The following SH3BGRL2 variants were observed in gnomAD, a reference collection of about 807,000 sequenced individuals.
SH3BGRL2 encodes SH3 domain-binding glutamic acid-rich-like protein 2.
A neutral mutation model predicts 14.8 loss-of-function variants in SH3BGRL2; 21 were observed. The observed-to-expected ratio is 1.42, with a 90% confidence interval of 1.01 to 2.05. The LOEUF (loss-of-function observed/expected upper bound fraction) is 2.05, where lower values mean the gene tolerates loss of function less well. Ranked by LOEUF, SH3BGRL2 falls within the 30% of genes most tolerant of loss-of-function variation. The pLI is 0.00. For synonymous variants in SH3BGRL2, 50 were observed against 47.8 expected (o/e 1.05, Z -0.19); for missense variants, 147 against 130.8 (o/e 1.12, Z -0.61).
the SH3BGRL2 span, among the ~76,000 whole-genome samples, chr6:79,579,098 A>G: frequency 3.9e-4 from 59 of 152,330 alleles, no homozygotes; most frequent in African/African-American, 1.4e-3. Context: ...AGACAAGGTT[A>G]GAGAAAAAAG....
chr6:79,541,058 G>T, the SH3BGRL2 span, among the ~76,000 whole-genome samples: 1 of 152,092 alleles, frequency 6.6e-6, no homozygotes, highest in Non-Finnish European at 1.5e-5. Context: ...TTTGAGACCA[G>T]TCTGGCCAAC....
At chr6:79,638,955 G>A (rs1768979771) in intron 1 of SH3BGRL2, among the ~76,000 whole-genome samples, 1 of 152,044 alleles carries the variant, frequency 6.6e-6, no homozygotes, top group South Asian at 2.1e-4. Context: ...TGAAAAACAA[G>A]GTGGTTTGCA....
the SH3BGRL2 span, among the ~76,000 whole-genome samples, chr6:79,557,899 C>A: frequency 1.3e-5 from 2 of 152,272 alleles, no homozygotes; most frequent in African/African-American, 4.8e-5. Context: ...CTGGAATGGA[C>A]AGACTATGAG....
At chr6:79,549,678 T>C in the SH3BGRL2 span, among the ~76,000 whole-genome samples, 2 of 152,106 alleles carry the variant, frequency 1.3e-5, no homozygotes, top group Admixed American at 1.3e-4. Flanking sequence ...CTTTTTAAAA[T>C]AACAAAAATC....
At chr6:79,618,203 G>C in the SH3BGRL2 span, among the ~76,000 whole-genome samples, 2 of 152,228 alleles carry the variant, frequency 1.3e-5, no homozygotes, top group African/African-American at 2.4e-5. Flanking sequence ...AGAATAAGGA[G>C]TTGCTGCAAC....
chr6:79,551,511 T>C, the SH3BGRL2 span, among the ~76,000 whole-genome samples: 3 of 152,138 alleles, frequency 2.0e-5, no homozygotes, highest in Non-Finnish European at 4.4e-5. Context: ...AGACTATTTC[T>C]TATAAAGAGT....
the SH3BGRL2 span, among the ~76,000 whole-genome samples, chr6:79,585,260 T>C: frequency 1.3e-5 from 2 of 152,136 alleles, no homozygotes; most frequent in African/African-American, 2.4e-5. Flanking sequence ...TTCTTTCTTC[T>C]CCTTCCATTT....
At chr6:79,617,276 T>C in the SH3BGRL2 span, among the ~76,000 whole-genome samples, 1 of 152,202 alleles carries the variant, frequency 6.6e-6, no homozygotes, top group Admixed American at 6.5e-5. Flanking sequence ...TATTTGATTA[T>C]TCTGCATTTA....
chr6:79,645,316 A>G (rs1769119135), intron 1 of SH3BGRL2, among the ~76,000 whole-genome samples: 1 of 151,528 alleles, frequency 6.6e-6, no homozygotes, highest in Non-Finnish European at 1.5e-5. Context: ...AATTCTTTTG[A>G]GCAAATATTT....
the SH3BGRL2 span, among the ~76,000 whole-genome samples, chr6:79,563,365 G>A: frequency 2.0e-5 from 3 of 152,060 alleles, no homozygotes; most frequent in Middle Eastern, 3.4e-3. Context: ...CCCCGCCTCG[G>A]CCTCCTGAAG....
the SH3BGRL2 span, among the ~76,000 whole-genome samples, chr6:79,550,050 T>C: frequency 2.0e-5 from 3 of 152,296 alleles, no homozygotes; most frequent in East Asian, 1.9e-4. Flanking sequence ...GTAAGAATTA[T>C]GGACCAAAAA....
rs1448720846 is a variant in SH3BGRL2, at chr6:79,687,382, G to A, written c.232-9103G>A. On this transcript the variant is annotated intron_variant, in intron 2 of 3. Transcript: ENST00000369838. ...TTAAATTGGCTCTTGGGTAAGAGGG[G>A]AGGTAGATGTATTTGCTTGCTTTGT... Among the ~76,000 whole-genome samples, 9 of 152,298 alleles carry A rather than the reference G, an allele frequency of 5.9e-5. No individual in the cohort carries two copies. In the East Asian group the frequency reaches 1.7e-3, roughly 29 times the overall value.
chr6:79,648,125 A>C (rs1282246296), intron 1 of SH3BGRL2, among the ~76,000 whole-genome samples: 1 of 151,070 alleles, frequency 6.6e-6, no homozygotes, highest in Non-Finnish European at 1.5e-5. Flanking sequence ...TGTTAGGTTC[A>C]GAAACCTAGA....
chr6:79,562,122 T>C, the SH3BGRL2 span, among the ~76,000 whole-genome samples: 1 of 152,196 alleles, frequency 6.6e-6, no homozygotes, highest in Non-Finnish European at 1.5e-5. Context: ...AGAGTAAGTT[T>C]ACTAGAGTTT....
chr6:79,679,774 T>C (rs1280395582), intron 2 of SH3BGRL2, among the ~76,000 whole-genome samples: 1 of 152,180 alleles, frequency 6.6e-6, no homozygotes, highest in African/African-American at 2.4e-5. Context: ...TGGTATCTAC[T>C]CTAATGAGTG....
chr6:79,584,075 T>C, the SH3BGRL2 span, among the ~76,000 whole-genome samples: 1 of 152,210 alleles, frequency 6.6e-6, no homozygotes, highest in Admixed American at 6.5e-5. Flanking sequence ...ATGAAAATAG[T>C]CTTGGTTCAA....
chr6:79,636,489 G>C (rs1768925045), intron 1 of SH3BGRL2, among the ~76,000 whole-genome samples: 1 of 152,132 alleles, frequency 6.6e-6, no homozygotes, highest in African/African-American at 2.4e-5. Context: ...GAGTAAGTTG[G>C]GGGCCCAAGG....
the SH3BGRL2 span, among the ~76,000 whole-genome samples, chr6:79,585,025 T>C: frequency 6.9e-6 from 1 of 145,536 alleles, no homozygotes. Flanking sequence ...TTATGTACCA[T>C]TAAGAAAACA....
intron 1 of SH3BGRL2, among the ~76,000 whole-genome samples, chr6:79,649,894 G>A (rs1275092058): frequency 6.6e-6 from 1 of 151,886 alleles, no homozygotes; most frequent in Non-Finnish European, 1.5e-5. Flanking sequence ...GAAAGTCCTT[G>A]TAAACGTCTG....
Sources: gnomAD v4.1 joint callset for allele counts (sites outside exome capture counted in the v4.1 genomes callset) on GRCh38, gnomAD v4.1.1 for gene constraint, MANE v1.5 for transcripts, NCBI Gene and HGNC (gene_info 2026-07-23, HGNC 2026-07-21) for gene names.